The following ZNF800 variants were observed in gnomAD, a reference collection of about 807,000 sequenced individuals.
ZNF800 encodes zinc finger protein 800.
In ZNF800, 13 loss-of-function variants were observed where a neutral mutation model predicts 59.5. That is an observed-to-expected ratio of 0.22 (90% confidence interval 0.14 to 0.35). The LOEUF is 0.35. Among genes scored for constraint, ZNF800 ranks in the 10% least tolerant of loss-of-function variants. The pLI, the probability that ZNF800 is intolerant of heterozygous loss-of-function variation, is 1.00. For synonymous variants in ZNF800, 266 were observed against 265.7 expected, an observed-to-expected ratio of 1.00 and a Z score of -0.01; for missense variants, 621 against 783.7, an observed-to-expected ratio of 0.79 and a Z score of 2.48.
chr7:127,379,280 A>T (rs1380513135), intron 3 of ZNF800, among the ~76,000 whole-genome samples: 3 of 152,200 alleles, frequency 2.0e-5, no homozygotes, highest in Non-Finnish European at 4.4e-5. Flanking sequence ...GACTGATTTT[A>T]AAAAATGCTT....
intron 3 of ZNF800, among the ~76,000 whole-genome samples, chr7:127,384,249 T>TTTTTTTTTTTTTTTTTTTG (rs1801067394): frequency 7.7e-6 from 1 of 130,240 alleles, no homozygotes; most frequent in Non-Finnish European, 1.7e-5. Flanking sequence ...TTTTTTTTTT[T>TTTTTTTTTTTTTTTTTTTG]TTTAGACAGA....
At chr7:127,391,433 A>G in intron 2 of ZNF800, 64 bp downstream of exon 2, 1 of 1,533,626 alleles carries the variant, frequency 6.5e-7, no homozygotes, top group Non-Finnish European at 9.0e-7. Context: ...AAAAGCTAGA[A>G]AAAAAGAGAA....
intron 1 of ZNF800, among the ~76,000 whole-genome samples, chr7:127,356,204 T>C (rs1238592271): frequency 1.3e-5 from 2 of 151,982 alleles, no homozygotes; most frequent in Non-Finnish European, 2.9e-5. Context: ...TCTGGCAAAA[T>C]ACACATTATA....
At chr7:127,360,841 A>C (rs1800379019) in intron 1 of ZNF800, 1 of 152,160 alleles carries the variant, frequency 6.6e-6, no homozygotes. Flanking sequence ...TAATTAAGTT[A>C]GGAATAAAGA....
chr7:127,385,013 ATCTTTTGGAGAG>A (rs1267325674), intron 3 of ZNF800, among the ~76,000 whole-genome samples: 2 of 152,188 alleles, frequency 1.3e-5, no homozygotes, highest in East Asian at 3.8e-4. Flanking sequence ...TAAGAAATGG[ATCTTTTGGAGAG>A]TCAGAGAAAA....
intron 2 of ZNF800, among the ~76,000 whole-genome samples, chr7:127,386,677 T>C (rs1415560082): frequency 6.6e-6 from 1 of 152,230 alleles, no homozygotes; most frequent in Non-Finnish European, 1.5e-5. Flanking sequence ...ATGTTCACTG[T>C]AGTGCTCTGC....
Position 127,386,139 on chromosome 7 carries a change from A to C in ZNF800, c.78T>G (p.Pro26=), listed in dbSNP as rs1562910629. 1 of 1,610,978 alleles carries C rather than the reference A, an allele frequency of 6.2e-7. No homozygotes were observed. The highest frequency in any genetic ancestry group is 8.5e-7 in the Non-Finnish European group (1 of 1,177,898). The stretch of plus-strand genomic sequence containing the variant: ...GTTGCTGTAACAAAGGAGGATCTCC[A>C]GGTTCCAGGATATAAACTACATGGA... ...GCCEPVYILE[P]GDPPLLQQPL... is the part of the protein sequence containing the mutation. Residue 26 remains proline (P), a synonymous_variant, in exon 3 of 6, where the codon CCT becomes CCG. Transcript: ENST00000265827.
rs1800718172 is a variant in ZNF800 at position 127,374,199 on chromosome 7, T to C, written c.1137A>G (p.Gln379=). 3 of 1,614,122 alleles carry C rather than the reference T, an allele frequency of 1.9e-6. No individual in the cohort carries two copies. Among genetic ancestry groups the C allele is most frequent in the African/African-American group, 1.3e-5 (1 of 75,054 alleles). The change falls in exon 5 of 6, where the codon CAA becomes CAG. Residue 379 remains glutamine, a synonymous_variant. Transcript: ENST00000265827. ...SSQIMLKRHM[Q]IVHKITLSGT... ...CAGAAAGAGTTATCTTGTGGACAAT[T>C]TGCATATGTCTTTTAAGCATTATTT...
rs777650784 is a variant in ZNF800, at chr7:127,374,905, A to T, written c.431T>A (p.Phe144Tyr). The change falls in exon 5 of 6, where the codon TTT becomes TAT. Residue 144 changes from phenylalanine to tyrosine, a missense_variant. Transcript: ENST00000265827. Reference sequence around the variant, plus strand: ...ATTATCAGTCCTCGAAATATATTGAAATACTGCATTTTGATTAGTTTCTAT... The same window carrying T: ...ATTATCAGTCCTCGAAATATATTGATATACTGCATTTTGATTAGTTTCTAT... ...EPIETNQNAV[F>Y]QYISRTDNPI... 3 of 1,613,942 alleles carry T rather than the reference A, an allele frequency of 1.9e-6. No individual in the cohort carries two copies. The highest frequency in any genetic ancestry group is 2.5e-6 in the Non-Finnish European group (3 of 1,179,912).
intron 4 of ZNF800, among the ~76,000 whole-genome samples, chr7:127,376,301 C>G (rs1442820013): frequency 6.6e-6 from 1 of 151,894 alleles, no homozygotes; most frequent in African/African-American, 2.4e-5. Flanking sequence ...GAAAAATGCA[C>G]AGAATCCACA....
At chr7:127,348,751 C>T (rs1800117724) in intron 1 of ZNF800, among the ~76,000 whole-genome samples, 1 of 152,138 alleles carries the variant, frequency 6.6e-6, no homozygotes, top group Non-Finnish European at 1.5e-5. Context: ...TTATGTTTCC[C>T]AAATTTCATA....
At chr7:127,348,563 T>C (rs1215468484) in intron 1 of ZNF800, among the ~76,000 whole-genome samples, 1 of 152,248 alleles carries the variant, frequency 6.6e-6, no homozygotes, top group East Asian at 1.9e-4. Flanking sequence ...TGGAAAAGAA[T>C]TGATACTATA....
At chr7:127,367,680 A>C (rs185396472), downstream of ZNF800, among the ~76,000 whole-genome samples, 36 of 152,288 alleles carry the variant, frequency 2.4e-4, no homozygotes, top group African/African-American at 7.9e-4. Context: ...AGAAGATAAA[A>C]TGTTAAGACT....
chr7:127,358,610 A>G (rs555527136), intron 1 of ZNF800, among the ~76,000 whole-genome samples: 79 of 152,160 alleles, frequency 5.2e-4, no homozygotes, highest in African/African-American at 1.7e-3. Context: ...CTTAATCTAC[A>G]TGTGATTTCA....
chr7:127,345,644 G>A (rs563466584), downstream of ZNF800, among the ~76,000 whole-genome samples: 3 of 152,174 alleles, frequency 2.0e-5, no homozygotes, highest in South Asian at 4.1e-4. Context: ...GCATAGACGG[G>A]GGTGGAAGGA....
chr7:127,353,941 T>C (rs1800220405), intron 1 of ZNF800, among the ~76,000 whole-genome samples: 1 of 152,182 alleles, frequency 6.6e-6, no homozygotes, highest in Non-Finnish European at 1.5e-5. Flanking sequence ...TTACAAGCTG[T>C]TTTGAGAAAC....
chr7:127,345,613 G>A (rs903093743), downstream of ZNF800, among the ~76,000 whole-genome samples: 1 of 152,174 alleles, frequency 6.6e-6, no homozygotes, highest in East Asian at 1.9e-4. Context: ...GGCTGCATTC[G>A]AGTGGGCAAT....
At position 127,371,679 on chromosome 7, in the gene ZNF800, T is replaced by C. The variant is rs771977231; in HGVS notation, c.*135A>G. ...TATTTTAGTCAGAAAACAGCAGTTA[T>C]AGTTGAATATTTAGAAAAATGTTTT... On this transcript the variant is annotated 3_prime_UTR_variant, in exon 6 of 6. Coordinates refer to ENST00000265827, the MANE Select transcript of ZNF800 (RefSeq NM_176814.5). 49 of 564,068 alleles carry C rather than the reference T, an allele frequency of 8.7e-5. No homozygotes were observed. Among genetic ancestry groups the C allele is most frequent in the African/African-American group, 1.4e-4 (7 of 51,598 alleles). The allele number at this position is 564,068 out of a possible 1,614,324, so 34.9% of individuals were successfully genotyped here. A position where few individuals can be genotyped will look rare whatever the true frequency, so the allele number is the denominator to read the frequency against.
chr7:127,361,630 A>T (rs983916844), intron 1 of ZNF800: 3 of 152,126 alleles, frequency 2.0e-5, no homozygotes, highest in Non-Finnish European at 4.4e-5. Flanking sequence ...TAAAATTCTT[A>T]AGAGTAATCA....
Sources: allele counts gnomAD v4.1 joint callset (sites outside exome capture counted in the v4.1 genomes callset), GRCh38; gene constraint gnomAD v4.1.1; transcripts MANE v1.5; gene names NCBI Gene and HGNC (gene_info 2026-07-23, HGNC 2026-07-21).